Variants in HEATR4 observed in about 807,000 individuals in gnomAD.
HEATR4 encodes HEAT repeat containing 4, also known as HEAT repeat-containing protein 4.
In HEATR4, 95 loss-of-function variants were observed where a neutral mutation model predicts 108.8. That is an observed-to-expected ratio of 0.87 (90% confidence interval 0.74 to 1.04). The LOEUF (loss-of-function observed/expected upper bound fraction) is 1.04, where lower values mean the gene tolerates loss of function less well. HEATR4 is among the 50% of genes least tolerant of loss of function. The pLI is 0.00. For synonymous variants in HEATR4, 443 were observed against 459.4 expected, an observed-to-expected ratio of 0.96 and a Z score of 0.46; for missense variants, 1,152 against 1,253.8, an observed-to-expected ratio of 0.92 and a Z score of 1.23.
At chr14:73,481,456 T>C (rs970254032) in intron 17 of HEATR4, among the ~76,000 whole-genome samples, 38 of 151,796 alleles carry the variant, frequency 2.5e-4, no homozygotes, top group African/African-American at 8.9e-4. Flanking sequence ...AAAAAAGATA[T>C]GTATTGCTAG....
chr14:73,499,244 G>T, intron 12 of HEATR4, 104 bp from the exon 13 acceptor site: 3 of 947,326 alleles, frequency 3.2e-6, no homozygotes, highest in Non-Finnish European at 5.2e-6. Flanking sequence ...ATTTTGGGAT[G>T]CCAAGGTGGG....
At chr14:73,582,394 A>T in the HEATR4 span, 2 of 151,146 alleles carry the variant, frequency 1.3e-5, no homozygotes, top group Non-Finnish European at 1.5e-5. Flanking sequence ...CCTGCGTAGC[A>T]ATGAAACTGA....
rs1395220071 is a variant in HEATR4, at chr14:73,478,675, T to C, written c.3012A>G (p.Lys1004=). The C allele has an allele frequency of 6.2e-7, 1 of 1,613,426 alleles. No homozygotes were observed. ...RSDYPALYLG[K]FSERTFFSPI... Reference sequence around the variant, plus strand: ...GAGAAAAAAATGTTCTCTCTGAGAATTTACCCAGATAAAGAGCTGGGTAGT... The same window carrying C: ...GAGAAAAAAATGTTCTCTCTGAGAACTTACCCAGATAAAGAGCTGGGTAGT... Residue 1004 remains lysine, a synonymous_variant, in exon 18 of 18, where the codon AAA becomes AAG. Coordinates refer to ENST00000553558, the MANE Select transcript of HEATR4 (RefSeq NM_001220484.1).
At chr14:73,618,770 T>A in the HEATR4 span, among the ~76,000 whole-genome samples, 10 of 152,310 alleles carry the variant, frequency 6.6e-5, no homozygotes, top group South Asian at 2.1e-3. Context: ...ATCAGTTGAT[T>A]TGCTTATTAG....
At chr14:73,610,482 G>A in the HEATR4 span, among the ~76,000 whole-genome samples, 1 of 151,732 alleles carries the variant, frequency 6.6e-6, no homozygotes, top group Non-Finnish European at 1.5e-5. Flanking sequence ...GTAGAGACAG[G>A]GTTTCACCAT....
chr14:73,492,052 G>A lies in HEATR4; in HGVS notation c.2844+1014C>T, dbSNP rs773430467. The stretch of plus-strand genomic sequence containing the variant: ...TTGCCCCCCACTACGACGACATCGA[G>A]GCCTTCGTGCTGCAGCTGGAAGGTA... On this transcript the variant is annotated intron_variant, in intron 17 of 17. Coordinates refer to ENST00000553558, the MANE Select transcript of HEATR4 (RefSeq NM_001220484.1). This position sits in a 1 kb window ranked among gnomAD's most constrained non-coding sequence, Gnocchi z 4.9. The A allele has an allele frequency of 1.2e-5, 19 of 1,613,876 alleles. 2 individuals carry two copies. The South Asian group carries it at 2.1e-4, about 18-fold the overall frequency.
chr14:73,485,887 G>T (rs926290645), intron 17 of HEATR4, among the ~76,000 whole-genome samples: 2 of 149,804 alleles, frequency 1.3e-5, no homozygotes, highest in Admixed American at 6.7e-5. Context: ...AAAAAATGCT[G>T]ATTTTTCATA....
chr14:73,621,643 T>C, the HEATR4 span, among the ~76,000 whole-genome samples: 2 of 152,182 alleles, frequency 1.3e-5, no homozygotes, highest in Non-Finnish European at 2.9e-5. Context: ...TCCAAGCAAG[T>C]GCCCATTAGA....
At chr14:73,491,278 C>T in intron 17 of HEATR4, 1 of 1,560,678 alleles carries the variant, frequency 6.4e-7, no homozygotes, top group South Asian at 1.2e-5. Context: ...CGGTGGCGGC[C>T]GTCCCGGACG....
At chr14:73,551,830 C>G (rs1415680158) in intron 1 of HEATR4, among the ~76,000 whole-genome samples, 1 of 105,282 alleles carries the variant, frequency 9.5e-6, no homozygotes, top group African/African-American at 3.1e-5. Flanking sequence ...AAAAAACAGA[C>G]AAAATGGCTA....
chr14:73,513,435 T>C (rs564534678), intron 6 of HEATR4, among the ~76,000 whole-genome samples: 399 of 142,362 alleles, frequency 2.8e-3, no homozygotes, highest in Non-Finnish European at 4.5e-3. Context: ...CACTCCGGCC[T>C]GGGCAACAGA....
intron 2 of HEATR4, among the ~76,000 whole-genome samples, chr14:73,527,025 A>C (rs1375011148): frequency 6.6e-6 from 1 of 152,212 alleles, no homozygotes; most frequent in East Asian, 1.9e-4. Flanking sequence ...ATCTTACCCA[A>C]GGCCACCAAA....
chr14:73,519,847 C>T (rs1379534891), intron 4 of HEATR4: 1 of 152,204 alleles, frequency 6.6e-6, no homozygotes, highest in Non-Finnish European at 1.5e-5. Flanking sequence ...GAAACCCTGT[C>T]TCTACTAGAA....
At position 73,499,246 on chromosome 14, in the gene HEATR4, C is replaced by G. The variant is rs145230308; in HGVS notation, c.2287-106G>C. The stretch of plus-strand genomic sequence containing the variant: ...CTGTAATCCCAGCATTTTGGGATGC[C>G]AAGGTGGGCGGATCACTTGACATCA... On this transcript the variant is annotated intron_variant, in intron 12 of 17. Coordinates refer to ENST00000553558, the MANE Select transcript of HEATR4 (RefSeq NM_001220484.1). 1.4e-4 allele frequency: 133 copies of G among 947,282 alleles called. 2 individuals are homozygous for G. The East Asian group carries it at 3.2e-3, about 23-fold the overall frequency. The allele number at this position is 947,282 out of a possible 1,614,324, so 58.7% of individuals were successfully genotyped here.
At chr14:73,570,897 C>A in the HEATR4 span, among the ~76,000 whole-genome samples, 3 of 91,114 alleles carry the variant, frequency 3.3e-5, no homozygotes, top group African/African-American at 9.0e-5. Flanking sequence ...AAGAGTGACT[C>A]TATCTTAAAA....
In HEATR4 at chr14:73,550,284, A is replaced by C. The variant is rs568850522; in HGVS notation, c.-152+8467T>G. ...GATGCAGCGACCATGGCACCCATACAGTCAACACAGTGAGCCTCAGCATTC... is the reference window on the plus strand; with the variant it reads ...GATGCAGCGACCATGGCACCCATACCGTCAACACAGTGAGCCTCAGCATTC... On this transcript the variant is annotated intron_variant, in intron 1 of 17. Coordinates refer to ENST00000553558, the MANE Select transcript of HEATR4 (RefSeq NM_001220484.1). Among the ~76,000 whole-genome samples, 72 of 113,174 alleles carry C rather than the reference A, an allele frequency of 6.4e-4. 24 individuals carry two copies. Among genetic ancestry groups the C allele is most frequent in the Non-Finnish European group, 1.3e-3 (68 of 52,032 alleles). 74.2% of individuals were successfully genotyped at this position (113,174 alleles called of 152,430 possible).
chr14:73,588,856 CAG>C, the HEATR4 span, among the ~76,000 whole-genome samples: 1 of 152,106 alleles, frequency 6.6e-6, no homozygotes, highest in East Asian at 1.9e-4. Context: ...CCTGGACCCT[CAG>C]ATTAAAAGTC....
chr14:73,624,075 C>T, the HEATR4 span, among the ~76,000 whole-genome samples: 1 of 151,586 alleles, frequency 6.6e-6, no homozygotes, highest in South Asian at 2.1e-4. Flanking sequence ...TTGCTTGGGA[C>T]CTGGAGTTTA....
At chr14:73,559,915 G>A (rs115529831), upstream of HEATR4, among the ~76,000 whole-genome samples, 626 of 152,078 alleles carry the variant, frequency 4.1e-3, 12 homozygotes, top group African/African-American at 0.014. Context: ...GCTGTCCGTC[G>A]ACTTTTCCAT....
Sources: gnomAD v4.1 joint callset for allele counts (sites outside exome capture counted in the v4.1 genomes callset) on GRCh38, gnomAD v4.1.1 for gene constraint, Gnocchi (gnomAD v3.1) non-coding constraint, MANE v1.5 for transcripts, NCBI Gene and HGNC (gene_info 2026-07-23, HGNC 2026-07-21) for gene names.